TEX11: variants seen among roughly 807,000 people sequenced by gnomAD.
TEX11 encodes testis-expressed protein 11.
TEX11 carries 7 observed loss-of-function variants against 84.4 expected under a neutral mutation model. The observed-to-expected ratio is 0.08, with a 90% CI of 0.05 to 0.16. The LOEUF (loss-of-function observed/expected upper bound fraction) is 0.16. TEX11 is among the 10% of genes least tolerant of loss of function. The probability of loss-of-function intolerance (pLI) is 1.00; values close to 1 mark genes in which losing one functional copy is unlikely to be tolerated. For synonymous variants in TEX11, 264 were observed against 222.8 expected (o/e 1.18, Z -1.64); for missense variants, 551 against 660.5 (o/e 0.83, Z 1.82).
intron 2 of TEX11, among the ~76,000 whole-genome samples, chrX:70,885,867 G>A (rs1201621734): frequency 2.1e-5 from 2 of 96,957 alleles, no homozygotes; most frequent in Non-Finnish European, 4.0e-5. Flanking sequence ...CTCCATCCTG[G>A]GTAAGAGTGA....
intron 17 of TEX11, among the ~76,000 whole-genome samples, chrX:70,641,964 A>C (rs1490380715): frequency 2.7e-5 from 3 of 111,295 alleles, no homozygotes; most frequent in South Asian, 3.9e-4. Flanking sequence ...CCTTCAAAAT[A>C]TTAATGAATC....
In TEX11 at chrX:70,670,234, A is replaced by C. The variant is rs2090010620; in HGVS notation, c.1380+143T>G. ...TATGTTTACAGTGTGCAAATCAAGA[A>C]AATGTCAATTTGACCTTGTTCTATA... On this transcript the variant is annotated intron_variant, in intron 16 of 29. Coordinates refer to ENST00000374333, the MANE Select transcript of TEX11 (RefSeq NM_031276.3). 9.8e-6 allele frequency: 6 copies of C among 610,996 alleles called. No homozygotes were observed. The East Asian group carries it at 2.2e-4, about 23-fold the overall frequency. The allele number at this position is 610,996 out of a possible 1,213,427, so 50.4% of individuals were successfully genotyped here.
chrX:70,763,280 A>T (rs1238101008), intron 9 of TEX11, among the ~76,000 whole-genome samples: 2 of 111,749 alleles, frequency 1.8e-5, no homozygotes, highest in Non-Finnish European at 3.8e-5. Context: ...AGAACAAAAT[A>T]ATGGCCTTTG....
At chrX:70,721,944 CAGA>C (rs2090562812) in intron 13 of TEX11, among the ~76,000 whole-genome samples, 1 of 111,551 alleles carries the variant, frequency 9.0e-6, no homozygotes. Context: ...TCACAAAGAT[CAGA>C]AGAACTGAAA....
At chrX:70,867,457 T>C (rs1263729387) in intron 4 of TEX11, among the ~76,000 whole-genome samples, 1 of 111,774 alleles carries the variant, frequency 8.9e-6, no homozygotes, top group Non-Finnish European at 1.9e-5. Flanking sequence ...CCCAAAGTAA[T>C]TTATAGATTC....
At chrX:70,886,672 C>G (rs1448948159) in intron 2 of TEX11, among the ~76,000 whole-genome samples, 2 of 111,797 alleles carry the variant, frequency 1.8e-5, no homozygotes, top group East Asian at 5.6e-4. Flanking sequence ...AAGCTCAAAT[C>G]TGATGGCCAG....
At chrX:70,514,099 C>G in the TEX11 span, among the ~76,000 whole-genome samples, 56,590 of 108,031 alleles carry the variant, frequency 0.52, 12,513 homozygotes, top group African/African-American at 0.76. Context: ...TAATATTATA[C>G]AGTGAACTTG....
chrX:70,591,367 G>A (rs1312526884), intron 25 of TEX11, among the ~76,000 whole-genome samples: 1 of 110,173 alleles, frequency 9.1e-6, no homozygotes, highest in Non-Finnish European at 1.9e-5. Context: ...TTGGGAGGCC[G>A]AGGTGGGCAA....
intron 17 of TEX11, among the ~76,000 whole-genome samples, chrX:70,633,509 CAAATTTT>C (rs1409413119): frequency 8.9e-6 from 1 of 111,775 alleles, no homozygotes; most frequent in African/African-American, 3.3e-5. Context: ...CAGTTTTACT[CAAATTTT>C]ACTGGAGAAT....
chrX:70,821,717 C>T (rs778329991), intron 8 of TEX11, among the ~76,000 whole-genome samples: 13 of 111,955 alleles, frequency 1.2e-4, no homozygotes, highest in African/African-American at 4.2e-4. Flanking sequence ...ATCAACACCA[C>T]GATGGGACAT....
chrX:70,600,468 T>C (rs948706862), intron 24 of TEX11, among the ~76,000 whole-genome samples: 2 of 110,879 alleles, frequency 1.8e-5, no homozygotes, highest in African/African-American at 6.6e-5. Flanking sequence ...TGAGACAGAA[T>C]GTCAATAAGG....
chrX:70,726,037 C>T (rs1397834865), intron 11 of TEX11, among the ~76,000 whole-genome samples: 1 of 112,262 alleles, frequency 8.9e-6, no homozygotes, highest in Non-Finnish European at 1.9e-5. Flanking sequence ...AAAGTAAGCA[C>T]TGGTATTAAA....
chrX:70,640,806 T>G (rs980376065), intron 17 of TEX11, among the ~76,000 whole-genome samples: 1 of 110,922 alleles, frequency 9.0e-6, no homozygotes, highest in Non-Finnish European at 1.9e-5. Context: ...TACCAGCTGC[T>G]GCAAAATCAT....
intron 16 of TEX11, among the ~76,000 whole-genome samples, chrX:70,656,998 A>G (rs1340761607): frequency 8.9e-6 from 1 of 111,999 alleles, no homozygotes; most frequent in Non-Finnish European, 1.9e-5. Flanking sequence ...AAGATGAAAG[A>G]AAAAGTATAG....
intron 4 of TEX11, among the ~76,000 whole-genome samples, chrX:70,870,461 G>A: frequency 9.0e-6 from 1 of 110,751 alleles, no homozygotes; most frequent in South Asian, 3.9e-4. Flanking sequence ...TCGGCCTCCT[G>A]AGCAGCTGGG....
At chrX:70,538,874 T>A (rs998896488) in intron 28 of TEX11, among the ~76,000 whole-genome samples, 2 of 106,414 alleles carry the variant, frequency 1.9e-5, no homozygotes, top group African/African-American at 3.4e-5. Context: ...TTCCTTTAGA[T>A]CCCAATTGCC....
At chrX:70,566,573 A>G (rs915761470) in intron 25 of TEX11, among the ~76,000 whole-genome samples, 3 of 111,206 alleles carry the variant, frequency 2.7e-5, no homozygotes, top group African/African-American at 3.3e-5. Flanking sequence ...TTTGAAATAC[A>G]TCCCATCAAT....
chrX:70,759,634 A>T (rs1294788005), intron 9 of TEX11, among the ~76,000 whole-genome samples: 1 of 111,893 alleles, frequency 8.9e-6, no homozygotes, highest in Non-Finnish European at 1.9e-5. Flanking sequence ...AGAGCTATTT[A>T]TGACGAACCC....
intron 2 of TEX11, 115 bp downstream of exon 2, chrX:70,907,638 C>A (rs1443254256): frequency 9.3e-6 from 5 of 539,257 alleles, no homozygotes; most frequent in Non-Finnish European, 1.6e-5. Flanking sequence ...GTGATCCGCC[C>A]GCCTCGGCCT....
Sources: allele counts gnomAD v4.1 joint callset (sites outside exome capture counted in the v4.1 genomes callset), GRCh38; gene constraint gnomAD v4.1.1; transcripts MANE v1.5; gene names NCBI Gene and HGNC (gene_info 2026-07-23, HGNC 2026-07-21).